SLC33A2: variants seen among roughly 807,000 people sequenced by gnomAD.
SLC33A2 encodes solute carrier family 33 member 2.
At chr8:144,510,349 C>CA in the SLC33A2 span, 2 of 1,611,354 alleles carry the variant, frequency 1.2e-6, no homozygotes, top group African/African-American at 1.3e-5. Flanking sequence ...ATGCCCCCCC[C>CA]ACCACCCAAG....
At chr8:144,511,050 T>A in the SLC33A2 span, 7 of 1,605,816 alleles carry the variant, frequency 4.4e-6, no homozygotes, top group African/African-American at 1.3e-5. Flanking sequence ...TGCTGGGCAC[T>A]CTGGCCGGAG....
the SLC33A2 span, chr8:144,510,169 C>A: frequency 3.1e-6 from 4 of 1,271,126 alleles, no homozygotes; most frequent in Non-Finnish European, 4.3e-6. Context: ...TGCAGCTGGG[C>A]CTTGTGTCTT....
chr8:144,511,186 A>G, the SLC33A2 span: 2 of 1,602,346 alleles, frequency 1.2e-6, no homozygotes, highest in Non-Finnish European at 1.7e-6. Flanking sequence ...GGAGTGGTCA[A>G]TAAAGCCACA....
At chr8:144,511,106 T>A in the SLC33A2 span, 1 of 1,610,300 alleles carries the variant, frequency 6.2e-7, no homozygotes, top group Non-Finnish European at 8.5e-7. Flanking sequence ...TTGCTCCTGC[T>A]CATCCTCTCT....
the SLC33A2 span, chr8:144,509,942 G>C: frequency 3.1e-6 from 5 of 1,591,350 alleles, no homozygotes; most frequent in Admixed American, 3.4e-5. Flanking sequence ...CCCACACCGC[G>C]CACCTTCTGC....
chr8:144,510,024 G>C, the SLC33A2 span: 1 of 1,590,118 alleles, frequency 6.3e-7, no homozygotes. Context: ...GGGTGAGTGA[G>C]GCCTCGAGCC....
chr8:144,510,912 A>T, the SLC33A2 span: 1 of 1,603,360 alleles, frequency 6.2e-7, no homozygotes, highest in Non-Finnish European at 8.5e-7. Context: ...AGGTGAGTAG[A>T]TGTAGCAGGG....
At chr8:144,509,446 C>T in the SLC33A2 span, 1 of 1,533,622 alleles carries the variant, frequency 6.5e-7, no homozygotes, top group Non-Finnish European at 8.7e-7. Context: ...CTCTCGCTGA[C>T]GCGCGTGGGG....
At chr8:144,510,323 G>A in the SLC33A2 span, 1 of 1,607,702 alleles carries the variant, frequency 6.2e-7, no homozygotes, top group Non-Finnish European at 8.5e-7. Flanking sequence ...GGGCAGATAT[G>A]GAACCTCCCG....
At chr8:144,510,725 G>A in the SLC33A2 span, 5 of 1,594,082 alleles carry the variant, frequency 3.1e-6, no homozygotes, top group African/African-American at 6.7e-5. Context: ...CTTGAGAGGT[G>A]AGGGGCTGGC....
chr8:144,509,564 G>C, the SLC33A2 span: 1 of 1,521,052 alleles, frequency 6.6e-7, no homozygotes, highest in Non-Finnish European at 8.8e-7. Context: ...CGGCGGGCCT[G>C]GGCCTGGTGT....
chr8:144,510,878 G>A, the SLC33A2 span: 3 of 1,607,942 alleles, frequency 1.9e-6, no homozygotes, highest in South Asian at 2.2e-5. Context: ...ATGCGCTGCA[G>A]CCAGCTGGCC....
chr8:144,510,257 G>T, the SLC33A2 span: 1 of 1,530,464 alleles, frequency 6.5e-7, no homozygotes, highest in Non-Finnish European at 8.8e-7. Flanking sequence ...TGCAGCTCTG[G>T]AACACTGAGG....
At chr8:144,509,277 C>G in the SLC33A2 span, 2 of 1,415,664 alleles carry the variant, frequency 1.4e-6, no homozygotes, top group African/African-American at 1.5e-5. Context: ...GGGACCTCGC[C>G]TTGCGGGACC....
At chr8:144,511,000 T>A in the SLC33A2 span, 1 of 1,601,252 alleles carries the variant, frequency 6.2e-7, no homozygotes, top group Non-Finnish European at 8.5e-7. Flanking sequence ...GGCCACACAC[T>A]ACAGCCTTCT....
At chr8:144,509,555 G>C in the SLC33A2 span, 7 of 1,517,766 alleles carry the variant, frequency 4.6e-6, no homozygotes, top group Non-Finnish European at 6.1e-6. Flanking sequence ...CGCGCAGCAC[G>C]GCGGGCCTGG....
chr8:144,510,369 G>GT, the SLC33A2 span: 3 of 1,612,146 alleles, frequency 1.9e-6, no homozygotes, highest in Admixed American at 5.0e-5. Flanking sequence ...GGTGAGCAGG[G>GT]TGCCAGCAGC....
the SLC33A2 span, chr8:144,510,186 C>G: frequency 3.1e-6 from 4 of 1,277,346 alleles, no homozygotes; most frequent in East Asian, 5.1e-5. Flanking sequence ...TCTTGTCCGC[C>G]CCCAGCTCTA....
At chr8:144,511,052 T>C in the SLC33A2 span, 9 of 1,606,162 alleles carry the variant, frequency 5.6e-6, no homozygotes, top group East Asian at 2.2e-5. Context: ...CTGGGCACTC[T>C]GGCCGGAGGC....
Sources: gnomAD v4.1 joint callset for allele counts on GRCh38, gnomAD v4.1.1 for gene constraint, MANE v1.5 for transcripts, NCBI Gene and HGNC (gene_info 2026-07-23, HGNC 2026-07-21) for gene names.